PRDM7: variants seen among roughly 807,000 people sequenced by gnomAD.
The protein encoded by PRDM7 is PR/SET domain 7.
In PRDM7, 52 loss-of-function variants were observed where a neutral mutation model predicts 64.3. The observed-to-expected ratio is 0.81, with a 90% confidence interval of 0.65 to 1.02. The LOEUF is 1.02. Among genes scored for constraint, PRDM7 ranks in the 50% least tolerant of loss-of-function variants. The pLI, the probability that PRDM7 is intolerant of heterozygous loss-of-function variation, is 0.00. For synonymous variants in PRDM7, 192 were observed against 210.1 expected (o/e 0.91, Z 0.74); for missense variants, 574 against 597.1 (o/e 0.96, Z 0.40).
chr16:90,058,645 A>G, intron 10 of PRDM7, 111 bp from the exon 11 acceptor site: 2 of 1,322,248 alleles, frequency 1.5e-6, no homozygotes, highest in Non-Finnish European at 2.2e-6. Context: ...TAACAATGCA[A>G]GCTCTCTCCC....
rs112525473 is a variant in PRDM7, at chr16:90,056,698, G to A, written c.*1591C>T. 0.077 allele frequency: 11,717 copies of A among 152,260 alleles called. 672 individuals carry two copies. The highest frequency in any genetic ancestry group is 0.11 in the Non-Finnish European group (7,702 of 68,036). The allele number at this position is 152,260 out of a possible 1,614,324, so 9.4% of individuals were successfully genotyped here. A position where few individuals can be genotyped will look rare whatever the true frequency, so the allele number is the denominator to read the frequency against. On this transcript the variant is annotated 3_prime_UTR_variant, in exon 11 of 11. Transcript: ENST00000449207. ...CTAAGGGGGTCCACGTGAGAGGGTC[G>A]TGATCGATTGAGCAAGCAGGGGGTA... is the stretch of plus-strand genomic sequence containing the variant.
chr16:90,071,200 C>T (rs553512210), intron 4 of PRDM7, among the ~76,000 whole-genome samples: 2 of 151,560 alleles, frequency 1.3e-5, no homozygotes, highest in Non-Finnish European at 2.9e-5. Flanking sequence ...GGTGTGATCT[C>T]GGCTCACTGC....
At chr16:90,062,922 A>G (rs2037807678) in intron 6 of PRDM7, among the ~76,000 whole-genome samples, 1 of 152,232 alleles carries the variant, frequency 6.6e-6, no homozygotes, top group African/African-American at 2.4e-5. Context: ...GCACAAAAGA[A>G]TATATATTAT....
intron 5 of PRDM7, among the ~76,000 whole-genome samples, chr16:90,065,819 A>G (rs1301270146): frequency 2.0e-5 from 3 of 151,362 alleles, no homozygotes; most frequent in Non-Finnish European, 4.4e-5. Context: ...AATCTAACTC[A>G]AAGATATTTT....
At position 90,064,835 on chromosome 16, in the gene PRDM7, C is replaced by T. The variant is rs1054313551; in HGVS notation, c.352-1067G>A. On this transcript the variant is annotated intron_variant, in intron 5 of 10. Transcript: ENST00000449207. ...CCAGGTTCAAGCGATTCTCCTGCTT[C>T]AGCCTCCCGAGTAGTTGGGATTACA... Among the ~76,000 whole-genome samples, 4 of 150,746 alleles carry T rather than the reference C, an allele frequency of 2.7e-5. 1 individual carries two copies. Among genetic ancestry groups the T allele is most frequent in the Admixed American group, 1.3e-4 (2 of 15,160 alleles).
At chr16:90,067,702 T>C (rs2037898916) in intron 4 of PRDM7, among the ~76,000 whole-genome samples, 1 of 148,924 alleles carries the variant, frequency 6.7e-6, no homozygotes, top group African/African-American at 2.5e-5. Context: ...GCCATTCTCC[T>C]GCCTTAGCCT....
chr16:90,075,760 C>G lies in PRDM7; in HGVS notation c.69+82G>C. 6.5e-7 allele frequency: 1 copy of G among 1,527,378 alleles called. No homozygotes were observed. The highest frequency in any genetic ancestry group is 9.0e-7 in the Non-Finnish European group (1 of 1,114,768). The allele number at this position is 1,527,378 out of a possible 1,614,324, so 94.6% of individuals were successfully genotyped here. A position where few individuals can be genotyped will look rare whatever the true frequency, so the allele number is the denominator to read the frequency against. On this transcript the variant is annotated intron_variant, in intron 2 of 10. Coordinates refer to ENST00000449207, the MANE Select transcript of PRDM7 (RefSeq NM_001098173.2). This position sits in a 1 kb window ranked among gnomAD's most constrained non-coding sequence, Gnocchi z 4.3. ...TCCATGCACATTCAGACAGAGTCAC[C>G]CAAGGGTACAGGCCAGGAGTCTGCA... is the stretch of plus-strand genomic sequence containing the variant.
At chr16:90,073,860 G>T (rs1317642823) in intron 4 of PRDM7, among the ~76,000 whole-genome samples, 1 of 151,396 alleles carries the variant, frequency 6.6e-6, no homozygotes, top group East Asian at 2.0e-4. Flanking sequence ...TCGGCTCACT[G>T]CCACCTCCAC....
intron 7 of PRDM7, 79 bp downstream of exon 7, chr16:90,062,322 T>C: frequency 6.2e-7 from 1 of 1,613,626 alleles, no homozygotes; most frequent in Non-Finnish European, 8.5e-7. Flanking sequence ...AGTAAGGGAA[T>C]GATTTGTGGG....
chr16:90,074,313 A>G (rs1299384504), intron 4 of PRDM7, among the ~76,000 whole-genome samples: 1 of 151,552 alleles, frequency 6.6e-6, no homozygotes, highest in African/African-American at 2.4e-5. Context: ...CATCATCATC[A>G]TCATCATCAT....
chr16:90,069,021 T>C (rs2037919548), intron 4 of PRDM7, among the ~76,000 whole-genome samples: 2 of 151,244 alleles, frequency 1.3e-5, no homozygotes, highest in Admixed American at 6.6e-5. Flanking sequence ...CAAAAAATCA[T>C]ATAGAATCTC....
At chr16:90,068,724 G>A in intron 4 of PRDM7, among the ~76,000 whole-genome samples, 1 of 149,856 alleles carries the variant, frequency 6.7e-6, no homozygotes, top group East Asian at 1.9e-4. Context: ...GTAAAAATGA[G>A]CAATCCAAAA....
At chr16:90,066,560 G>T (rs777360051) in intron 5 of PRDM7, among the ~76,000 whole-genome samples, 4 of 151,044 alleles carry the variant, frequency 2.6e-5, no homozygotes, top group Non-Finnish European at 4.4e-5. Flanking sequence ...CTGTAAAATG[G>T]CTATAGTTAT....
At chr16:90,067,882 G>T (rs1314415695) in intron 4 of PRDM7, among the ~76,000 whole-genome samples, 1 of 151,150 alleles carries the variant, frequency 6.6e-6, no homozygotes, top group Non-Finnish European at 1.5e-5. Flanking sequence ...GAGCCACCGC[G>T]CCCAGCCGAA....
At position 90,075,765 on chromosome 16, in the gene PRDM7, G is replaced by T. The variant is rs1045787817; in HGVS notation, c.69+77C>A. On this transcript the variant is annotated intron_variant, in intron 2 of 10. Coordinates refer to ENST00000449207, the MANE Select transcript of PRDM7 (RefSeq NM_001098173.2). This position sits in a 1 kb window ranked among gnomAD's most constrained non-coding sequence, Gnocchi z 4.3. ...GCACATTCAGACAGAGTCACCCAAG[G>T]GTACAGGCCAGGAGTCTGCAGCACT... The T allele has an allele frequency of 8.5e-6, 13 of 1,537,020 alleles. 1 individual carries two copies. The Admixed American group carries it at 1.8e-4, about 22-fold the overall frequency.
At chr16:90,069,248 A>G (rs1008965884) in intron 4 of PRDM7, among the ~76,000 whole-genome samples, 6 of 151,350 alleles carry the variant, frequency 4.0e-5, no homozygotes, top group African/African-American at 1.5e-4. Context: ...TGCCAAGACT[A>G]CACAATGGAG....
chr16:90,068,332 T>G (rs1424293924), intron 4 of PRDM7, among the ~76,000 whole-genome samples: 3 of 148,496 alleles, frequency 2.0e-5, no homozygotes, highest in Non-Finnish European at 4.5e-5. Context: ...CAAAAAATTG[T>G]TAGAAGTAAT....
At chr16:90,059,429 C>T (rs916696123) in intron 10 of PRDM7, among the ~76,000 whole-genome samples, 1 of 152,240 alleles carries the variant, frequency 6.6e-6, no homozygotes, top group Non-Finnish European at 1.5e-5. Flanking sequence ...CTTCATCCTG[C>T]CCACCATTTT....
At position 90,057,881 on chromosome 16, in the gene PRDM7, C is replaced by G; in HGVS notation, c.*408G>C. 1 of 1,520,586 alleles carries G rather than the reference C, an allele frequency of 6.6e-7. No individual in the cohort carries two copies. Among genetic ancestry groups the G allele is most frequent in the Non-Finnish European group, 9.0e-7 (1 of 1,115,136 alleles). 94.2% of individuals were successfully genotyped at this position (1,520,586 alleles called of 1,614,324 possible). On this transcript the variant is annotated 3_prime_UTR_variant, in exon 11 of 11. Transcript: ENST00000449207. ...GACTGGGGCGTCTCCCCTGTGTGTC[C>G]TCTGGTGAATGAGGAGGACTGACTT...
Sources: allele counts gnomAD v4.1 joint callset (sites outside exome capture counted in the v4.1 genomes callset), GRCh38; gene constraint gnomAD v4.1.1; non-coding constraint Gnocchi (gnomAD v3.1); transcripts MANE v1.5; gene names NCBI Gene and HGNC (gene_info 2026-07-23, HGNC 2026-07-21).